HIBCH: variants seen among roughly 807,000 people sequenced by gnomAD.
HIBCH encodes 3-hydroxyisobutyryl-CoA hydrolase.
HIBCH carries 50 observed loss-of-function variants against 58.2 expected under a neutral mutation model. That is an observed-to-expected ratio of 0.86 (90% CI 0.68 to 1.09). HIBCH has a LOEUF of 1.09. Ranked by LOEUF, HIBCH falls within the 50% of genes least tolerant of loss-of-function variation. The pLI, the probability that HIBCH is intolerant of heterozygous loss-of-function variation, is 0.00. For missense variants in HIBCH, 450 were observed against 449.7 expected, an observed-to-expected ratio of 1.00 and a Z score of -0.01; for synonymous variants, 151 against 146.9, an observed-to-expected ratio of 1.03 and a Z score of -0.20.
At chr2:190,219,073 G>A (rs1305558090) in intron 11 of HIBCH, among the ~76,000 whole-genome samples, 1 of 152,204 alleles carries the variant, frequency 6.6e-6, no homozygotes, top group Non-Finnish European at 1.5e-5. Context: ...CAACTGGACT[G>A]GGACTTGTGC....
At chr2:190,318,994 C>T (rs1025252568) in intron 1 of HIBCH, among the ~76,000 whole-genome samples, 26 of 152,220 alleles carry the variant, frequency 1.7e-4, no homozygotes, top group South Asian at 1.0e-3. Context: ...CTTAAAGAAT[C>T]CAGTAATTTA....
chr2:190,193,190 T>A (rs183168521), intron 1 of HIBCH, among the ~76,000 whole-genome samples: 14 of 151,704 alleles, frequency 9.2e-5, no homozygotes, highest in African/African-American at 2.2e-4. Flanking sequence ...TTTATCAAAA[T>A]TTTTTTTCTG....
At chr2:190,291,751 C>A (rs1477491245) in intron 4 of HIBCH, among the ~76,000 whole-genome samples, 1 of 152,160 alleles carries the variant, frequency 6.6e-6, no homozygotes, top group East Asian at 1.9e-4. Context: ...TTCTATTACC[C>A]AGAGTTCACA....
rs973457910 is a variant in HIBCH, at chr2:190,317,141, G to A, written c.35+2575C>T. Among the ~76,000 whole-genome samples, 3 of 151,934 alleles carry A rather than the reference G, an allele frequency of 2.0e-5. 1 individual carries two copies. Among genetic ancestry groups the A allele is most frequent in the African/African-American group, 7.3e-5 (3 of 41,354 alleles). On this transcript the variant is annotated intron_variant, in intron 1 of 13. Coordinates refer to ENST00000359678, the MANE Select transcript of HIBCH (RefSeq NM_014362.4). ...TTGCTATGTTGCCCAGGATTGTCTT[G>A]AACTCCCATGTTGGCCTCTCAAAGT...
chr2:190,314,283 ATATATATGTATATATACATATATATGTG>A (rs1688636205), intron 1 of HIBCH, among the ~76,000 whole-genome samples: 2 of 114,992 alleles, frequency 1.7e-5, no homozygotes, highest in South Asian at 2.7e-4. Flanking sequence ...AAAAAAATAT[ATATATATGTATATATACATATATATGTG>A]TATATATATG....
At chr2:190,191,608 G>C (rs576710069) in intron 1 of HIBCH, among the ~76,000 whole-genome samples, 13 of 152,322 alleles carry the variant, frequency 8.5e-5, no homozygotes, top group African/African-American at 2.9e-4. Flanking sequence ...ATGTATGAGA[G>C]TGCAGTTGCT....
intron 6 of HIBCH, among the ~76,000 whole-genome samples, chr2:190,264,921 G>A (rs571904562): frequency 3.3e-5 from 5 of 151,824 alleles, no homozygotes. Context: ...TCAGGAGTTC[G>A]AGATCAGCCT....
In HIBCH at chr2:190,206,513, C is replaced by T. The variant is rs192919916; in HGVS notation, c.1046-1281G>A. On this transcript the variant is annotated intron_variant, in intron 13 of 13. Coordinates refer to ENST00000359678, the MANE Select transcript of HIBCH (RefSeq NM_014362.4). This position sits in a 1 kb window ranked among gnomAD's most constrained non-coding sequence, Gnocchi z 5.1. ...AACAATTTTTTTACTAGAATACATACAAGTTCGTGCCATGTAGGCAGCTCA... is the reference window on the plus strand; with the variant it reads ...AACAATTTTTTTACTAGAATACATATAAGTTCGTGCCATGTAGGCAGCTCA... Among the ~76,000 whole-genome samples, 1 of 152,252 alleles carries T rather than the reference C, an allele frequency of 6.6e-6. No individual in the cohort carries two copies. Among genetic ancestry groups the T allele is most frequent in the Admixed American group, 6.5e-5 (1 of 15,300 alleles).
intron 11 of HIBCH, among the ~76,000 whole-genome samples, chr2:190,224,859 C>T (rs1685843207): frequency 6.6e-6 from 1 of 152,092 alleles, no homozygotes; most frequent in African/African-American, 2.4e-5. Flanking sequence ...ATCAGTTATT[C>T]CAAAAGTGAC....
chr2:190,261,368 T>G (rs763360131), intron 6 of HIBCH, 134 bp from the exon 7 acceptor site: 6 of 675,758 alleles, frequency 8.9e-6, no homozygotes. Context: ...CTTCAGGGAA[T>G]AGGTTGTCCC....
intron 2 of HIBCH, 69 bp from the exon 3 acceptor site, chr2:190,297,022 T>C (rs1484612380): frequency 2.8e-6 from 4 of 1,419,882 alleles, no homozygotes; most frequent in African/African-American, 1.4e-5. Context: ...CATCAAAACA[T>C]ACATATCAAA....
At chr2:190,208,450 A>G (rs957011607) in intron 13 of HIBCH, among the ~76,000 whole-genome samples, 8 of 152,248 alleles carry the variant, frequency 5.3e-5, no homozygotes, top group Admixed American at 2.6e-4. Flanking sequence ...ATTACCTTAT[A>G]TATAAATTAG....
At chr2:190,273,503 C>G (rs1687461321) in intron 6 of HIBCH, among the ~76,000 whole-genome samples, 1 of 152,166 alleles carries the variant, frequency 6.6e-6, no homozygotes, top group African/African-American at 2.4e-5. Context: ...AGATCTACCG[C>G]TCTCTATCAA....
chr2:190,270,601 C>T (rs951530881), intron 6 of HIBCH, among the ~76,000 whole-genome samples: 2 of 152,304 alleles, frequency 1.3e-5, no homozygotes, highest in East Asian at 3.9e-4. Context: ...TAGCCTATCG[C>T]TATCACTCAG....
At chr2:190,312,991 C>G (rs968910131) in intron 1 of HIBCH, among the ~76,000 whole-genome samples, 1 of 152,212 alleles carries the variant, frequency 6.6e-6, no homozygotes, top group Non-Finnish European at 1.5e-5. Flanking sequence ...CCCAGCTACT[C>G]AGGAGGCTGA....
intron 11 of HIBCH, among the ~76,000 whole-genome samples, chr2:190,227,579 T>C (rs908314635): frequency 1.3e-5 from 2 of 151,640 alleles, no homozygotes; most frequent in South Asian, 2.1e-4. Context: ...TGGGATCTAA[T>C]TAAACAGCAA....
chr2:190,230,281 G>A (rs1686054806), intron 11 of HIBCH, among the ~76,000 whole-genome samples: 1 of 152,048 alleles, frequency 6.6e-6, no homozygotes, highest in Non-Finnish European at 1.5e-5. Flanking sequence ...GATGGTGGGT[G>A]GAAGAGAGAG....
Position 190,212,821 on chromosome 2 carries a change from C to T in HIBCH, c.1011+135G>A, listed in dbSNP as rs116566361. 3,351 of 731,826 alleles carry T rather than the reference C, an allele frequency of 4.6e-3. 17 individuals carry two copies. Among genetic ancestry groups the T allele is most frequent in the Middle Eastern group, 0.011 (30 of 2,626 alleles). 45.3% of individuals were successfully genotyped at this position (731,826 alleles called of 1,614,324 possible). ...TTCCACACATCTAAAACTAACTGGC[C>T]TGTTGTGTTTTTGTAGAGTAAATTT... On this transcript the variant is annotated intron_variant, in intron 12 of 13. Coordinates refer to ENST00000359678, the MANE Select transcript of HIBCH (RefSeq NM_014362.4).
At chr2:190,221,056 A>G (rs1395986539) in intron 11 of HIBCH, among the ~76,000 whole-genome samples, 1 of 151,898 alleles carries the variant, frequency 6.6e-6, no homozygotes, top group African/African-American at 2.4e-5. Flanking sequence ...TTTATAAGAA[A>G]GGCCGCACAG....
Sources: gnomAD v4.1 joint callset for allele counts (sites outside exome capture counted in the v4.1 genomes callset) on GRCh38, gnomAD v4.1.1 for gene constraint, Gnocchi (gnomAD v3.1) non-coding constraint, MANE v1.5 for transcripts, NCBI Gene and HGNC (gene_info 2026-07-23, HGNC 2026-07-21) for gene names.